Variants in ZC3H12B observed in about 807,000 individuals in gnomAD.
ZC3H12B encodes zinc finger CCCH-type containing 12B.
ZC3H12B carries 7 observed loss-of-function variants against 43.9 expected under a neutral mutation model. The observed-to-expected ratio is 0.16, with a 90% confidence interval of 0.09 to 0.30. ZC3H12B has a LOEUF of 0.30. Among genes scored for constraint, ZC3H12B ranks in the 10% least tolerant of loss-of-function variants. ZC3H12B has a pLI of 1.00. For synonymous variants in ZC3H12B, 222 were observed against 241.7 expected, an observed-to-expected ratio of 0.92 and a Z score of 0.76; for missense variants, 475 against 670.2, an observed-to-expected ratio of 0.71 and a Z score of 3.22.
the ZC3H12B span, among the ~76,000 whole-genome samples, chrX:65,217,515 A>G: frequency 8.9e-6 from 1 of 112,146 alleles, no homozygotes; most frequent in Admixed American, 9.5e-5. Context: ...CTTCTCGGAC[A>G]TGGAATCTGA....
At chrX:65,183,614 C>G in the ZC3H12B span, among the ~76,000 whole-genome samples, 1 of 111,555 alleles carries the variant, frequency 9.0e-6, no homozygotes, top group Non-Finnish European at 1.9e-5. Context: ...CAACGTTACA[C>G]TTGGAGAAGT....
At chrX:65,419,611 G>A (rs976000211) in intron 3 of ZC3H12B, among the ~76,000 whole-genome samples, 5 of 111,318 alleles carry the variant, frequency 4.5e-5, no homozygotes, top group Admixed American at 9.5e-5. Flanking sequence ...GTGAACAAGA[G>A]GCTTTGTCCC....
the ZC3H12B span, among the ~76,000 whole-genome samples, chrX:65,135,124 CAT>C: frequency 9.0e-6 from 1 of 111,491 alleles, no homozygotes; most frequent in African/African-American, 3.3e-5. Flanking sequence ...TATACACACA[CAT>C]ATGCAAAAAC....
chrX:65,386,509 T>C (rs1260488376), intron 2 of ZC3H12B, among the ~76,000 whole-genome samples: 2 of 111,970 alleles, frequency 1.8e-5, no homozygotes, highest in African/African-American at 6.5e-5. Flanking sequence ...TTATCATTTT[T>C]TATTGCATCT....
chrX:65,094,771 A>C, the ZC3H12B span, among the ~76,000 whole-genome samples: 1 of 112,200 alleles, frequency 8.9e-6, no homozygotes, highest in Non-Finnish European at 1.9e-5. Flanking sequence ...CCTGGAGTAC[A>C]TAGTCATTTA....
chrX:65,471,265 C>T (rs1158254192), intron 3 of ZC3H12B, among the ~76,000 whole-genome samples: 3 of 109,979 alleles, frequency 2.7e-5, no homozygotes, highest in Non-Finnish European at 5.7e-5. Context: ...TAATAACCTT[C>T]TTTGTCTTTT....
intron 3 of ZC3H12B, among the ~76,000 whole-genome samples, chrX:65,457,432 G>T (rs776663677): frequency 0.057 from 4,547 of 79,576 alleles, 139 homozygotes; most frequent in Non-Finnish European, 0.084. Flanking sequence ...GCCCCGTCCG[G>T]GAGGGTGGTG....
chrX:65,449,110 T>C (rs1427011906), intron 3 of ZC3H12B, among the ~76,000 whole-genome samples: 1 of 109,351 alleles, frequency 9.1e-6, no homozygotes, highest in Non-Finnish European at 1.9e-5. Context: ...GAAAATGTGT[T>C]ATGGACACAT....
intron 3 of ZC3H12B, among the ~76,000 whole-genome samples, chrX:65,439,698 TGCTATCATA>T (rs1361174323): frequency 8.9e-6 from 1 of 112,195 alleles, no homozygotes; most frequent in Non-Finnish European, 1.9e-5. Context: ...TGGTGATAAC[TGCTATCATA>T]GCTACCATTA....
At chrX:65,384,779 T>C (rs1446142859) in intron 2 of ZC3H12B, among the ~76,000 whole-genome samples, 1 of 112,181 alleles carries the variant, frequency 8.9e-6, no homozygotes, top group African/African-American at 3.2e-5. Flanking sequence ...ACTTCCCTTG[T>C]AAAGACACAG....
chrX:65,402,085 T>C (rs2066769609), intron 3 of ZC3H12B, among the ~76,000 whole-genome samples: 1 of 111,866 alleles, frequency 8.9e-6, no homozygotes, highest in African/African-American at 3.2e-5. Flanking sequence ...GGGAACCCTG[T>C]TCTCTGAAGG....
chrX:65,497,506 A>G (rs1332831595), intron 2 of ZC3H12B, among the ~76,000 whole-genome samples: 1 of 112,847 alleles, frequency 8.9e-6, no homozygotes, highest in East Asian at 2.7e-4. Flanking sequence ...AGTTTCAAAA[A>G]AAAGGAGTGC....
the ZC3H12B span, among the ~76,000 whole-genome samples, chrX:65,232,202 C>A: frequency 9.0e-6 from 1 of 111,186 alleles, no homozygotes; most frequent in Non-Finnish European, 1.9e-5. Flanking sequence ...GATCGCACCA[C>A]TGCACTCCAG....
chrX:65,202,628 C>T, the ZC3H12B span, among the ~76,000 whole-genome samples: 8 of 111,118 alleles, frequency 7.2e-5, no homozygotes, highest in Non-Finnish European at 1.3e-4. Context: ...AGCTTCCTGG[C>T]GCTTGGGCAA....
At chrX:65,317,986 T>C in the ZC3H12B span, among the ~76,000 whole-genome samples, 3 of 107,880 alleles carry the variant, frequency 2.8e-5, no homozygotes, top group African/African-American at 1.0e-4. Context: ...TAAACATGCA[T>C]GTGCAAGTAT....
the ZC3H12B span, among the ~76,000 whole-genome samples, chrX:65,211,623 C>T: frequency 2.1e-5 from 2 of 93,319 alleles, no homozygotes; most frequent in Non-Finnish European, 4.1e-5. Context: ...ATTGGCCTAA[C>T]AACTTAAAAT....
At chrX:65,070,816 G>GTT in the ZC3H12B span, among the ~76,000 whole-genome samples, 39 of 56,031 alleles carry the variant, frequency 7.0e-4, no homozygotes, top group Middle Eastern at 0.015. Flanking sequence ...TATGATTTCT[G>GTT]TTTTTTTTTT....
At chrX:65,416,754 A>G (rs1429236670) in intron 3 of ZC3H12B, among the ~76,000 whole-genome samples, 1 of 107,277 alleles carries the variant, frequency 9.3e-6, no homozygotes, top group Non-Finnish European at 1.9e-5. Flanking sequence ...CCGCCACTGC[A>G]CTCCAGCCTG....
At chrX:65,179,185 C>G in the ZC3H12B span, among the ~76,000 whole-genome samples, 1 of 109,638 alleles carries the variant, frequency 9.1e-6, no homozygotes. Context: ...CACGTTCTCA[C>G]TCATAAGTGG....
Sources: gnomAD v4.1 joint callset for allele counts (sites outside exome capture counted in the v4.1 genomes callset) on GRCh38, gnomAD v4.1.1 for gene constraint, MANE v1.5 for transcripts, NCBI Gene and HGNC (gene_info 2026-07-23, HGNC 2026-07-21) for gene names.